The following SNX31 variants were observed in gnomAD, a reference collection of about 807,000 sequenced individuals.
The protein encoded by SNX31 is sorting nexin-31.
SNX31 carries 58 observed loss-of-function variants against 65.4 expected under a neutral mutation model. That is an observed-to-expected ratio of 0.89 (90% CI 0.72 to 1.10). The LOEUF is 1.10. SNX31 is among the 50% of genes least tolerant of loss of function. The pLI, the probability that SNX31 is intolerant of heterozygous loss-of-function variation, is 0.00. For synonymous variants in SNX31, 181 were observed against 190.1 expected (o/e 0.95, Z 0.39); for missense variants, 523 against 529.7 (o/e 0.99, Z 0.12).
intron 2 of SNX31, among the ~76,000 whole-genome samples, chr8:100,647,124 G>T (rs1819695326): frequency 6.6e-6 from 1 of 152,086 alleles, no homozygotes; most frequent in Non-Finnish European, 1.5e-5. Context: ...AGCCATCTAA[G>T]ATCTAAATAG....
intron 4 of SNX31, among the ~76,000 whole-genome samples, chr8:100,628,573 C>T: frequency 6.8e-6 from 1 of 147,642 alleles, no homozygotes. Context: ...GGGAACATCA[C>T]ACACTGGGGA....
Position 100,626,450 on chromosome 8 carries a change from G to T in SNX31, c.321+3877C>A, listed in dbSNP as rs1217339766. 6.6e-6 allele frequency among the ~76,000 whole-genome samples: 1 copy of T among 152,212 alleles called. No individual in the cohort carries two copies. Among genetic ancestry groups the T allele is most frequent in the Non-Finnish European group, 1.5e-5 (1 of 68,042 alleles). On this transcript the variant is annotated intron_variant, in intron 4 of 13. Coordinates refer to ENST00000311812, the MANE Select transcript of SNX31 (RefSeq NM_152628.4). This position sits in a 1 kb window ranked among gnomAD's most constrained non-coding sequence, Gnocchi z 4.4. ...GTCAATCAAAATATTTAGAAGGCTA[G>T]ATCATGATATGAGGAGCTGGGGTTT...
intron 1 of SNX31, among the ~76,000 whole-genome samples, chr8:100,659,387 G>T (rs554806587): frequency 6.7e-6 from 1 of 149,560 alleles, no homozygotes; most frequent in African/African-American, 2.5e-5. Context: ...AGCGTGGGGG[G>T]ACATCACACT....
Position 100,573,762 on chromosome 8 carries a change from G to C in SNX31, c.*103C>G. 1.0e-5 allele frequency: 7 copies of C among 691,390 alleles called. No individual in the cohort carries two copies. Among genetic ancestry groups the C allele is most frequent in the Non-Finnish European group, 1.7e-5 (7 of 424,004 alleles). The allele number at this position is 691,390 out of a possible 1,614,324, so 42.8% of individuals were successfully genotyped here. A position where few individuals can be genotyped will look rare whatever the true frequency, so the allele number is the denominator to read the frequency against. ...GTTAATGCCAAAAAAATGGGAAGAG[G>C]TCAAATTTCCTCCACTGATGGTAGG... On this transcript the variant is annotated 3_prime_UTR_variant, in exon 14 of 14. Coordinates refer to ENST00000311812, the MANE Select transcript of SNX31 (RefSeq NM_152628.4).
intron 2 of SNX31, 76 bp downstream of exon 2, chr8:100,649,198 G>C: frequency 6.8e-7 from 1 of 1,462,854 alleles, no homozygotes; most frequent in South Asian, 1.2e-5. Context: ...CAGAGTCAGA[G>C]GAACAGAGCG....
In SNX31 at chr8:100,612,345, C is replaced by T. The variant is rs1816786761; in HGVS notation, c.524-258G>A. On this transcript the variant is annotated intron_variant, in intron 6 of 13. Coordinates refer to ENST00000311812, the MANE Select transcript of SNX31 (RefSeq NM_152628.4). This position sits in a 1 kb window ranked among gnomAD's most constrained non-coding sequence, Gnocchi z 4.3. ...ATAGATGAAAAAATAGATCCGGAGA[C>T]ATCCAGCGCCTTCGCAGCTCACCGC... Among the ~76,000 whole-genome samples, 1 of 152,100 alleles carries T rather than the reference C, an allele frequency of 6.6e-6. No individual in the cohort carries two copies. The highest frequency in any genetic ancestry group is 2.4e-5 in the African/African-American group (1 of 41,412).
chr8:100,631,650 C>A (rs1485294697), intron 3 of SNX31, among the ~76,000 whole-genome samples: 1 of 152,150 alleles, frequency 6.6e-6, no homozygotes, highest in Non-Finnish European at 1.5e-5. Flanking sequence ...TCAAAACTAT[C>A]ACTGACTTCA....
Position 100,588,775 on chromosome 8 carries a change from A to T in SNX31, c.1092+91T>A, listed in dbSNP as rs1563518972. On this transcript the variant is annotated intron_variant, in intron 11 of 13. Coordinates refer to ENST00000311812, the MANE Select transcript of SNX31 (RefSeq NM_152628.4). The surrounding 1 kb of genome is among the most constrained non-coding windows in gnomAD (Gnocchi z 4.8). ...ATAGAACACTTTAGGGTCCTGCTCT[A>T]GTTGGGTTAGGGTCATGTGCTTCAT... The T allele has an allele frequency of 1.2e-6, 1 of 830,088 alleles. No individual in the cohort carries two copies. The highest frequency in any genetic ancestry group is 2.0e-6 in the Non-Finnish European group (1 of 494,326). 51.4% of individuals were successfully genotyped at this position (830,088 alleles called of 1,614,324 possible). A position where few individuals can be genotyped will look rare whatever the true frequency, so the allele number is the denominator to read the frequency against.
At chr8:100,633,037 A>G (rs1371702923) in intron 3 of SNX31, among the ~76,000 whole-genome samples, 3 of 151,846 alleles carry the variant, frequency 2.0e-5, no homozygotes, top group African/African-American at 7.3e-5. Flanking sequence ...CAATCCTCCC[A>G]CCTCAGCCTT....
intron 10 of SNX31, 87 bp downstream of exon 10, chr8:100,596,552 C>G (rs1453370323): frequency 2.6e-6 from 3 of 1,132,254 alleles, no homozygotes; most frequent in Non-Finnish European, 4.0e-6. Flanking sequence ...ATTCAAATGG[C>G]AAACCTGTCT....
intron 1 of SNX31, among the ~76,000 whole-genome samples, chr8:100,656,493 T>G (rs1318558590): frequency 1.3e-5 from 2 of 151,286 alleles, no homozygotes; most frequent in Non-Finnish European, 3.0e-5. Flanking sequence ...ATACAAAAAT[T>G]AGCCAGGCGT....
rs1817960881 is a variant in SNX31 at position 100,625,104 on chromosome 8, T to C, written c.321+5223A>G. Among the ~76,000 whole-genome samples, 1 of 152,102 alleles carries C rather than the reference T, an allele frequency of 6.6e-6. No individual in the cohort carries two copies. ...GGGATTACAGGTGTGAGCCACCACG[T>C]TTGGCCCAGCTGCCATACTTATCTA... On this transcript the variant is annotated intron_variant, in intron 4 of 13. Coordinates refer to ENST00000311812, the MANE Select transcript of SNX31 (RefSeq NM_152628.4). This position sits in a 1 kb window ranked among gnomAD's most constrained non-coding sequence, Gnocchi z 4.2.
At chr8:100,650,141 A>AAC (rs1304001116), upstream of SNX31, among the ~76,000 whole-genome samples, 3 of 152,184 alleles carry the variant, frequency 2.0e-5, no homozygotes, top group Admixed American at 6.5e-5. Flanking sequence ...CATTCACATA[A>AAC]ACACTTGGTT....
At chr8:100,581,325 CTATCTATCTATCTATATA>C (rs1239074312) in intron 12 of SNX31, among the ~76,000 whole-genome samples, 1 of 129,362 alleles carries the variant, frequency 7.7e-6, no homozygotes, top group Non-Finnish European at 1.6e-5. Context: ...ATATCTATAT[CTATCTATCTATCTATATA>C]TATATATATA....
intron 8 of SNX31, among the ~76,000 whole-genome samples, chr8:100,601,211 C>A (rs1815594659): frequency 6.6e-6 from 1 of 152,176 alleles, no homozygotes; most frequent in Admixed American, 6.5e-5. Context: ...TCAATCCTTA[C>A]AGCCACCCTG....
chr8:100,587,120 T>C (rs1464525864), intron 11 of SNX31, among the ~76,000 whole-genome samples: 1 of 152,216 alleles, frequency 6.6e-6, no homozygotes, highest in Non-Finnish European at 1.5e-5. Flanking sequence ...TCATGCTTAC[T>C]CTAAGCCAAT....
At chr8:100,595,457 C>T (rs998640627) in intron 10 of SNX31, among the ~76,000 whole-genome samples, 30 of 152,018 alleles carry the variant, frequency 2.0e-4, no homozygotes, top group African/African-American at 6.8e-4. Flanking sequence ...CACAGGTGCA[C>T]ACCACCATGC....
chr8:100,649,679 G>C (rs887355057), upstream of SNX31: 2 of 576,328 alleles, frequency 3.5e-6, no homozygotes, highest in African/African-American at 4.0e-5. Flanking sequence ...GGTGGGGCCG[G>C]GGCCGGGCCG....
At chr8:100,577,515 C>T (rs1245576826) in intron 12 of SNX31, among the ~76,000 whole-genome samples, 1 of 152,180 alleles carries the variant, frequency 6.6e-6, no homozygotes, top group Non-Finnish European at 1.5e-5. Flanking sequence ...ACCTCATGTA[C>T]ATAAGGTAAA....
Sources: gnomAD v4.1 joint callset for allele counts (sites outside exome capture counted in the v4.1 genomes callset) on GRCh38, gnomAD v4.1.1 for gene constraint, Gnocchi (gnomAD v3.1) non-coding constraint, MANE v1.5 for transcripts, NCBI Gene and HGNC (gene_info 2026-07-23, HGNC 2026-07-21) for gene names.